The following PCNX4 variants were observed in gnomAD, a reference collection of about 807,000 sequenced individuals.
PCNX4 encodes the protein pecanex-like protein 4.
PCNX4 carries 103 observed loss-of-function variants against 107.2 expected under a neutral mutation model. The observed-to-expected ratio is 0.96, with a 90% CI of 0.82 to 1.13. PCNX4 has a LOEUF of 1.13. Ranked by LOEUF, PCNX4 falls within the 50% of genes most tolerant of loss-of-function variation. PCNX4 has a pLI of 0.00. For synonymous variants in PCNX4, 541 were observed against 481.7 expected, an observed-to-expected ratio of 1.12 and a Z score of -1.61; for missense variants, 1,528 against 1,379.4, an observed-to-expected ratio of 1.11 and a Z score of -1.71.
chr14:60,094,761 G>GCCCCCCC (rs11421878), intron 1 of PCNX4, among the ~76,000 whole-genome samples: 6 of 107,022 alleles, frequency 5.6e-5, no homozygotes, highest in Non-Finnish European at 1.2e-4. Context: ...TTGCTGTAGA[G>GCCCCCCC]CCCCCCCCCA....
chr14:60,110,444 C>T (rs1895719995), intron 2 of PCNX4: 1 of 167,184 alleles, frequency 6.0e-6, no homozygotes, highest in East Asian at 1.9e-4. Flanking sequence ...CCTGCCACCC[C>T]AGTGGCCTGG....
chr14:60,146,552 GA>G lies in PCNX4; in HGVS notation c.*12334del, dbSNP rs554595925. On this transcript the variant is annotated 3_prime_UTR_variant, in exon 11 of 11. Coordinates refer to ENST00000406854, the MANE Select transcript of PCNX4 (RefSeq NM_001330177.2). This position sits in a 1 kb window ranked among gnomAD's most constrained non-coding sequence, Gnocchi z 4.9. ...TTAAGGGTATAAATCTAAAGGAAGTGAAATCAGTACCTTGAAGTGATACCTA... is the reference window on the plus strand; with the variant it reads ...TTAAGGGTATAAATCTAAAGGAAGTGAATCAGTACCTTGAAGTGATACCTA... The G allele has an allele frequency of 1.1e-4, 17 of 152,258 alleles. No homozygotes were observed. The highest frequency in any genetic ancestry group is 4.1e-4 in the African/African-American group (17 of 41,558). The allele number at this position is 152,258 out of a possible 1,614,324, so 9.4% of individuals were successfully genotyped here.
chr14:60,116,929 A>G (rs1420431701), intron 6 of PCNX4, among the ~76,000 whole-genome samples: 1 of 152,164 alleles, frequency 6.6e-6, no homozygotes, highest in East Asian at 1.9e-4. Context: ...AAAAGTTTTA[A>G]AAGTTAAAAA....
intron 6 of PCNX4, among the ~76,000 whole-genome samples, 178 bp from the exon 7 acceptor site, chr14:60,118,151 G>T (rs1895885401): frequency 6.7e-6 from 1 of 149,962 alleles, no homozygotes; most frequent in Non-Finnish European, 1.5e-5. Flanking sequence ...TTAAAATATA[G>T]TCTTGTTTAT....
At chr14:60,092,976 T>G (rs1375885261) in intron 1 of PCNX4, among the ~76,000 whole-genome samples, 1 of 152,246 alleles carries the variant, frequency 6.6e-6, no homozygotes, top group African/African-American at 2.4e-5. Flanking sequence ...GTTTGTTTTC[T>G]TCATTAAATC....
intron 8 of PCNX4, 124 bp downstream of exon 8, chr14:60,121,423 C>A: frequency 9.8e-7 from 1 of 1,019,456 alleles, no homozygotes; most frequent in Non-Finnish European, 1.4e-6. Flanking sequence ...GTGAAAACAC[C>A]TAGGGATTTT....
intron 3 of PCNX4, 32 bp downstream of exon 3, chr14:60,114,911 A>G: frequency 6.4e-7 from 1 of 1,569,986 alleles, no homozygotes; most frequent in Non-Finnish European, 8.6e-7. Context: ...TGTTATATGT[A>G]ATATTCTTAA....
intron 2 of PCNX4, among the ~76,000 whole-genome samples, chr14:60,113,112 C>A (rs1895770938): frequency 6.6e-6 from 1 of 152,094 alleles, no homozygotes; most frequent in South Asian, 2.1e-4. Flanking sequence ...ACCCGGGAGG[C>A]AGACGTTGCA....
At position 60,121,250 on chromosome 14, in the gene PCNX4, G is replaced by A. The variant is rs1895949177; in HGVS notation, c.1997G>A (p.Trp666Ter). The stretch of plus-strand genomic sequence containing the variant: ...GGCCGTTTTCAGGATCGTTTAATGT[G>A]GATAATGATTCTGGAATGTGGCTAT... ...YLGRFQDRLM[W>*]IMILECGYTY... Residue 666 changes from tryptophan (W) to a stop codon, truncating the protein, a stop_gained, in exon 8 of 11, where the codon TGG becomes TAG. Transcript: ENST00000406854. LOFTEE classifies it high-confidence loss of function. 6.3e-7 allele frequency: 1 copy of A among 1,599,956 alleles called. No homozygotes were observed. The highest frequency in any genetic ancestry group is 1.7e-5 in the Admixed American group (1 of 59,210).
chr14:60,132,844 G>A (rs1364904927), intron 10 of PCNX4, among the ~76,000 whole-genome samples: 1 of 152,136 alleles, frequency 6.6e-6, no homozygotes, highest in African/African-American at 2.4e-5. Context: ...AAGTACATGA[G>A]AAGTGCTCCG....
chr14:60,108,205 T>C lies in PCNX4; in HGVS notation c.567T>C (p.Tyr189=), dbSNP rs1402611140. The change falls in exon 2 of 11, where the codon TAT becomes TAC. Residue 189 remains tyrosine (Y), a synonymous_variant. Coordinates refer to ENST00000406854, the MANE Select transcript of PCNX4 (RefSeq NM_001330177.2). ...FGWMTLCIAE[Y]SLIVNTATET... The stretch of plus-strand genomic sequence containing the variant: ...GGATGACACTATGTATAGCAGAATA[T>C]TCTTTAATTGTAAACACAGCTACAG... 6.8e-6 allele frequency: 11 copies of C among 1,612,674 alleles called. No individual in the cohort carries two copies. Among genetic ancestry groups the C allele is most frequent in the Non-Finnish European group, 8.5e-6 (10 of 1,179,804 alleles).
Position 60,124,564 on chromosome 14 carries a change from T to C in PCNX4, c.2393T>C (p.Leu798Ser), listed in dbSNP as rs765677479. 21 of 1,613,704 alleles carry C rather than the reference T, an allele frequency of 1.3e-5. No homozygotes were observed. The Admixed American group carries it at 3.5e-4, about 27-fold the overall frequency. The change falls in exon 9 of 11, where the codon TTG becomes TCG. Residue 798 changes from leucine to serine, a missense_variant. Transcript: ENST00000406854. ...KGKAPLMLPALNTLPPPKSPE... is the reference protein window; with the variant it reads ...KGKAPLMLPASNTLPPPKSPE... Reference sequence around the variant, plus strand: ...AAAGCACCTCTAATGTTGCCTGCTTTGAACACTTTGCCACCTCCCAAATCC... The same window carrying C: ...AAAGCACCTCTAATGTTGCCTGCTTCGAACACTTTGCCACCTCCCAAATCC...
intron 1 of PCNX4, among the ~76,000 whole-genome samples, chr14:60,099,751 A>T (rs1251782469): frequency 1.3e-5 from 2 of 152,214 alleles, no homozygotes; most frequent in East Asian, 3.8e-4. Context: ...GCATCTTCTA[A>T]CAGTGCTTTA....
Position 60,107,925 on chromosome 14 carries a change from A to G in PCNX4, c.287A>G (p.Asn96Ser). ...CAGTTCACAAGTTTATACGCCAAAA[A>G]CAAATCAACAACAGTAGAAAGAATA... is the stretch of plus-strand genomic sequence containing the variant. ...VIQFTSLYAK[N>S]KSTTVERILT... Residue 96 changes from asparagine (N) to serine (S), a missense_variant, in exon 2 of 11, where the codon AAC (asparagine) becomes AGC (serine). Transcript: ENST00000406854. The G allele has an allele frequency of 6.2e-7, 1 of 1,612,898 alleles. No individual in the cohort carries two copies.
chr14:60,144,910 T>G lies in PCNX4; in HGVS notation c.*10689T>G. The G allele has an allele frequency of 6.5e-6, 9 of 1,376,112 alleles. No homozygotes were observed. The highest frequency in any genetic ancestry group is 9.3e-6 in the Non-Finnish European group (9 of 967,262). 85.2% of individuals were successfully genotyped at this position (1,376,112 alleles called of 1,614,324 possible). On this transcript the variant is annotated 3_prime_UTR_variant, in exon 11 of 11. Coordinates refer to ENST00000406854, the MANE Select transcript of PCNX4 (RefSeq NM_001330177.2). ...TTATTCAGAAGCATAAGAAGATTGCTGTTTTCATGTTTTCCATTTCTCCCT... is the reference window on the plus strand; with the variant it reads ...TTATTCAGAAGCATAAGAAGATTGCGGTTTTCATGTTTTCCATTTCTCCCT...
At chr14:60,127,088 G>A (rs1368846175) in intron 10 of PCNX4, among the ~76,000 whole-genome samples, 3 of 152,214 alleles carry the variant, frequency 2.0e-5, no homozygotes, top group African/African-American at 7.2e-5. Flanking sequence ...GCAACGGAGT[G>A]TAGACACATT....
intron 2 of PCNX4, among the ~76,000 whole-genome samples, chr14:60,111,579 G>A (rs1429972934): frequency 2.0e-5 from 3 of 151,998 alleles, no homozygotes; most frequent in East Asian, 3.9e-4. Context: ...TACTGTCTCC[G>A]TATCCCATTT....
At chr14:60,092,790 C>G (rs1444310687) in intron 1 of PCNX4, among the ~76,000 whole-genome samples, 1 of 152,156 alleles carries the variant, frequency 6.6e-6, no homozygotes, top group Non-Finnish European at 1.5e-5. Flanking sequence ...ACTCATGGCC[C>G]CCTGAACGTG....
Position 60,140,898 on chromosome 14 carries a change from C to T in PCNX4, c.*6677C>T, listed in dbSNP as rs1896299076. 6.6e-6 allele frequency: 1 copy of T among 152,082 alleles called. No individual in the cohort carries two copies. The highest frequency in any genetic ancestry group is 2.4e-5 in the African/African-American group (1 of 41,370). The allele number at this position is 152,082 out of a possible 1,614,324, so 9.4% of individuals were successfully genotyped here. On this transcript the variant is annotated 3_prime_UTR_variant, in exon 11 of 11. Coordinates refer to ENST00000406854, the MANE Select transcript of PCNX4 (RefSeq NM_001330177.2). This position sits in a 1 kb window ranked among gnomAD's most constrained non-coding sequence, Gnocchi z 4.2. ...TCTTATTACTCAGGGTAAACAAGTG[C>T]ACCTGCCCACCTTTGCACTCGTCCA...
Sources: gnomAD v4.1 joint callset for allele counts (sites outside exome capture counted in the v4.1 genomes callset) on GRCh38, gnomAD v4.1.1 for gene constraint, Gnocchi (gnomAD v3.1) non-coding constraint, MANE v1.5 for transcripts, NCBI Gene and HGNC (gene_info 2026-07-23, HGNC 2026-07-21) for gene names.